Variants in C17orf78 observed in about 807,000 individuals in gnomAD.
C17orf78 encodes the protein chromosome 17 open reading frame 78.
Under a neutral mutation model 31.8 loss-of-function variants are expected in C17orf78, and 27 were observed. That is an observed-to-expected ratio of 0.85 (90% CI 0.63 to 1.17). The LOEUF is 1.17. Among genes scored for constraint, C17orf78 ranks in the 50% most tolerant of loss-of-function variants. The probability of loss-of-function intolerance (pLI) is 0.00; values close to 1 mark genes in which losing one functional copy is unlikely to be tolerated. For synonymous variants in C17orf78, 106 were observed against 115.1 expected (o/e 0.92, Z 0.51); for missense variants, 258 against 315.2 (o/e 0.82, Z 1.37).
At chr17:37,389,855 T>C (rs953640289) in intron 6 of C17orf78, among the ~76,000 whole-genome samples, 2 of 151,580 alleles carry the variant, frequency 1.3e-5, no homozygotes, top group African/African-American at 4.8e-5. Context: ...TGTCAGGAAA[T>C]AGGTAGGATT....
chr17:37,388,378 C>T lies in C17orf78; in HGVS notation c.509-292C>T, dbSNP rs916743958. Among the ~76,000 whole-genome samples the T allele has an allele frequency of 4.6e-5, 7 of 152,048 alleles. No homozygotes were observed. In the East Asian group the frequency reaches 1.3e-3, roughly 29 times the overall value. On this transcript the variant is annotated intron_variant, in intron 4 of 6. Transcript: ENST00000615133. ...TCCATGTGTACCCGAGATTTTTCTT[C>T]CTGCGAGCAGTGTAAGAATCAGCCC...
chr17:37,382,589 C>T (rs903072624), intron 3 of C17orf78, among the ~76,000 whole-genome samples: 8 of 152,076 alleles, frequency 5.3e-5, no homozygotes, highest in South Asian at 2.1e-4. Context: ...GCGTCAGGTG[C>T]GGTGGCTCAC....
chr17:37,383,895 C>T (rs1049549334), intron 3 of C17orf78, among the ~76,000 whole-genome samples: 4 of 152,154 alleles, frequency 2.6e-5, no homozygotes, highest in Non-Finnish European at 5.9e-5. Flanking sequence ...ATAATCCCTT[C>T]TACAAGTTTG....
intron 3 of C17orf78, among the ~76,000 whole-genome samples, chr17:37,383,007 A>G (rs1209906048): frequency 6.6e-6 from 1 of 152,246 alleles, no homozygotes; most frequent in African/African-American, 2.4e-5. Flanking sequence ...ACTGCATTCC[A>G]GTCTGGGCAA....
intron 2 of C17orf78, 74 bp downstream of exon 2, chr17:37,378,039 T>G: frequency 7.6e-7 from 1 of 1,321,838 alleles, no homozygotes; most frequent in Non-Finnish European, 1.1e-6. Flanking sequence ...ATATCTCATC[T>G]TCCCACTTCC....
At chr17:37,390,158 A>ATG (rs2050742524) in intron 6 of C17orf78, among the ~76,000 whole-genome samples, 1 of 61,160 alleles carries the variant, frequency 1.6e-5, no homozygotes, top group Non-Finnish European at 2.8e-5. Flanking sequence ...ATATATATAT[A>ATG]TATATATATA....
In C17orf78 at chr17:37,376,025, G is replaced by A. The variant is rs2049986273; in HGVS notation, c.-68G>A. On this transcript the variant is annotated 5_prime_UTR_variant, in exon 1 of 7. Transcript: ENST00000615133. Reference sequence around the variant, plus strand: ...CTGCGTGTGGTGAAAGCAACTAGAGGCAGAGCTATCAAGGGCTGTGACAGA... The same window carrying A: ...CTGCGTGTGGTGAAAGCAACTAGAGACAGAGCTATCAAGGGCTGTGACAGA... 7.3e-7 allele frequency: 1 copy of A among 1,368,890 alleles called. No individual in the cohort carries two copies. Among genetic ancestry groups the A allele is most frequent in the South Asian group, 1.2e-5 (1 of 85,022 alleles). 84.8% of individuals were successfully genotyped at this position (1,368,890 alleles called of 1,614,324 possible).
chr17:37,390,361 G>T (rs1439883689), intron 6 of C17orf78, among the ~76,000 whole-genome samples: 1 of 92,750 alleles, frequency 1.1e-5, no homozygotes, highest in African/African-American at 4.6e-5. Flanking sequence ...GGGCACGGTG[G>T]CTCACGCCTG....
At chr17:37,376,196 C>A (rs1395838470) in intron 1 of C17orf78, 46 bp downstream of exon 1, 1 of 1,521,632 alleles carries the variant, frequency 6.6e-7, no homozygotes, top group Non-Finnish European at 9.1e-7. Context: ...CAGAGAGAGG[C>A]CTAGAAAGAG....
chr17:37,380,096 T>TA (rs1193827764), intron 3 of C17orf78, among the ~76,000 whole-genome samples: 1 of 151,848 alleles, frequency 6.6e-6, no homozygotes, highest in African/African-American at 2.4e-5. Context: ...TATGCAGCCA[T>TA]AAAAAACAAT....
chr17:37,381,910 A>G (rs867950008), intron 3 of C17orf78, among the ~76,000 whole-genome samples: 2 of 152,052 alleles, frequency 1.3e-5, no homozygotes, highest in East Asian at 3.8e-4. Context: ...TACAGGCGTG[A>G]GCCACTGCAC....
At chr17:37,376,210 C>G in intron 1 of C17orf78, 60 bp downstream of exon 1, 1 of 1,424,416 alleles carries the variant, frequency 7.0e-7, no homozygotes, top group Non-Finnish European at 9.9e-7. Context: ...GAAAGAGTTT[C>G]GGGGTCTCTT....
chr17:37,386,104 G>T lies in C17orf78; in HGVS notation c.487G>T (p.Gly163Ter). 6.3e-7 allele frequency: 1 copy of T among 1,586,422 alleles called. No individual in the cohort carries two copies. The highest frequency in any genetic ancestry group is 8.6e-7 in the Non-Finnish European group (1 of 1,159,248). ...TTCTATAACTCCTGGGAATAAAGAA[G>T]GAGAGAAAACTACAAGTACCGGTAA... ...APSITPGNKE[G>*]EKTTSTDTDE... Residue 163 changes from glycine (G) to a stop codon, truncating the protein, a stop_gained, in exon 4 of 7, where the codon GGA (glycine) becomes TGA (stop). Coordinates refer to ENST00000615133, the MANE Select transcript of C17orf78 (RefSeq NM_173625.5). LOFTEE classifies it high-confidence loss of function.
intron 3 of C17orf78, among the ~76,000 whole-genome samples, chr17:37,382,657 C>G (rs756296051): frequency 1.3e-5 from 2 of 152,102 alleles, no homozygotes; most frequent in Non-Finnish European, 2.9e-5. Context: ...GTCAAGAGAT[C>G]AGGACCATCC....
chr17:37,379,290 T>C lies in C17orf78; in HGVS notation c.299T>C (p.Ile100Thr), dbSNP rs2147727232. 4 of 1,613,990 alleles carry C rather than the reference T, an allele frequency of 2.5e-6. No homozygotes were observed. Among genetic ancestry groups the C allele is most frequent in the Non-Finnish European group, 3.4e-6 (4 of 1,179,894 alleles). ...VKHILKNLRI[I>T]AAPRRNSSAS... ...CATATTTTGAAGAACCTGAGAATCA[T>C]TGCTGCTCCCCGCAGAAACAGCTCT... The change falls in exon 3 of 7, where the codon ATT becomes ACT. Residue 100 changes from isoleucine (I) to threonine (T), a missense_variant. Ile to Thr is a moderately conservative substitution (Grantham distance 89, BLOSUM62 -1). Coordinates refer to ENST00000615133, the MANE Select transcript of C17orf78 (RefSeq NM_173625.5).
intron 2 of C17orf78, 37 bp downstream of exon 2, chr17:37,378,002 A>G (rs112181268): frequency 6.3e-7 from 1 of 1,577,460 alleles, no homozygotes; most frequent in Non-Finnish European, 8.7e-7. Flanking sequence ...TGATATTGCC[A>G]TTCCAAAAAA....
At chr17:37,390,175 T>TATATATACACACAC (rs60788220) in intron 6 of C17orf78, among the ~76,000 whole-genome samples, 42 of 44,496 alleles carry the variant, frequency 9.4e-4, no homozygotes, top group Middle Eastern at 0.017. Context: ...TATATATATA[T>TATATATACACACAC]ACACACACAC....
At chr17:37,381,821 G>GT (rs2050289878) in intron 3 of C17orf78, among the ~76,000 whole-genome samples, 7 of 151,052 alleles carry the variant, frequency 4.6e-5, no homozygotes, top group Admixed American at 4.6e-4. Context: ...TAGAGATGGG[G>GT]TTTCACCGTG....
At chr17:37,387,626 T>G (rs974720292) in intron 4 of C17orf78, 2 of 151,682 alleles carry the variant, frequency 1.3e-5, no homozygotes, top group African/African-American at 4.9e-5. Context: ...TTTGTATTTT[T>G]AGTAGAGACG....
Sources: gnomAD v4.1 joint callset for allele counts (sites outside exome capture counted in the v4.1 genomes callset) on GRCh38, gnomAD v4.1.1 for gene constraint, MANE v1.5 for transcripts, NCBI Gene and HGNC (gene_info 2026-07-23, HGNC 2026-07-21) for gene names.